The following IMMP2L variants were observed in gnomAD, a reference collection of about 807,000 sequenced individuals.
The protein encoded by IMMP2L is inner mitochondrial membrane peptidase subunit 2.
Under a neutral mutation model 19.3 loss-of-function variants are expected in IMMP2L, and 18 were observed. That is an observed-to-expected ratio of 0.93 (90% confidence interval 0.64 to 1.38). The LOEUF is 1.38. IMMP2L is among the 40% of genes most tolerant of loss of function. The pLI is 0.00. For synonymous variants in IMMP2L, 76 were observed against 73.0 expected (o/e 1.04, Z -0.21); for missense variants, 233 against 218.2 (o/e 1.07, Z -0.43).
At chr7:111,325,415 T>C (rs911668153) in intron 3 of IMMP2L, among the ~76,000 whole-genome samples, 1 of 151,684 alleles carries the variant, frequency 6.6e-6, no homozygotes, top group Non-Finnish European at 1.5e-5. Flanking sequence ...AAAATAAATA[T>C]AATGTTTTAA....
At chr7:111,232,524 T>C (rs1388745187) in intron 3 of IMMP2L, among the ~76,000 whole-genome samples, 2 of 152,164 alleles carry the variant, frequency 1.3e-5, no homozygotes, top group Middle Eastern at 3.4e-3. Flanking sequence ...ATGGAAATTT[T>C]CAATTTTCTG....
intron 5 of IMMP2L, among the ~76,000 whole-genome samples, chr7:110,806,275 G>GGGT (rs146476882): frequency 0.96 from 146,101 of 151,802 alleles, 70,327 homozygotes; most frequent in East Asian, 0.98. Flanking sequence ...GCATAATTTT[G>GGGT]GACTTCACTT....
chr7:110,920,880 T>C (rs915707393), intron 4 of IMMP2L, among the ~76,000 whole-genome samples: 11 of 152,310 alleles, frequency 7.2e-5, no homozygotes, highest in Non-Finnish European at 1.2e-4. Context: ...ACATCTTATA[T>C]AACCATAGCA....
At chr7:111,475,069 A>G (rs564770770) in intron 3 of IMMP2L, among the ~76,000 whole-genome samples, 1 of 152,228 alleles carries the variant, frequency 6.6e-6, no homozygotes, top group Non-Finnish European at 1.5e-5. Context: ...AATCAAACCA[A>G]GCCAGCTTCT....
At chr7:111,007,537 C>T (rs1458809287) in intron 3 of IMMP2L, among the ~76,000 whole-genome samples, 2 of 152,088 alleles carry the variant, frequency 1.3e-5, no homozygotes, top group Non-Finnish European at 2.9e-5. Flanking sequence ...CTGCCTCTCT[C>T]GAACATCTAA....
At chr7:111,365,134 T>C (rs987439344) in intron 3 of IMMP2L, among the ~76,000 whole-genome samples, 2 of 152,116 alleles carry the variant, frequency 1.3e-5, no homozygotes, top group Non-Finnish European at 2.9e-5. Flanking sequence ...ACCTTTCTGC[T>C]GCTGAACTTT....
intron 5 of IMMP2L, among the ~76,000 whole-genome samples, chr7:110,694,431 C>CTAT (rs79869441): frequency 0.13 from 20,341 of 152,002 alleles, 1,527 homozygotes; most frequent in South Asian, 0.29. Flanking sequence ...AAAAAGAACT[C>CTAT]TAATAGAGTC....
At chr7:111,040,959 C>G (rs1769419619) in intron 3 of IMMP2L, among the ~76,000 whole-genome samples, 1 of 151,834 alleles carries the variant, frequency 6.6e-6, no homozygotes, top group Non-Finnish European at 1.5e-5. Context: ...TTACTTGGCT[C>G]AAATATTGTA....
intron 5 of IMMP2L, among the ~76,000 whole-genome samples, chr7:110,886,113 C>T (rs1810194281): frequency 6.6e-6 from 1 of 152,018 alleles, no homozygotes; most frequent in African/African-American, 2.4e-5. Context: ...CAAATTAATT[C>T]TCAGGCCCAG....
chr7:110,932,277 G>C (rs1815577873), intron 4 of IMMP2L, among the ~76,000 whole-genome samples: 1 of 152,140 alleles, frequency 6.6e-6, no homozygotes, highest in Non-Finnish European at 1.5e-5. Context: ...CCCAACAGAA[G>C]TCTTAGATGT....
chr7:110,782,676 T>C (rs1226696125), intron 5 of IMMP2L, among the ~76,000 whole-genome samples: 1 of 151,930 alleles, frequency 6.6e-6, no homozygotes, highest in Non-Finnish European at 1.5e-5. Flanking sequence ...AATAGGTACT[T>C]ACTATGTGCT....
At chr7:111,525,918 C>T (rs1374252996) in intron 1 of IMMP2L, among the ~76,000 whole-genome samples, 1 of 152,038 alleles carries the variant, frequency 6.6e-6, no homozygotes, top group Non-Finnish European at 1.5e-5. Context: ...GGCCCTGAAG[C>T]ATGACAGCAT....
chr7:111,243,602 G>A (rs1178855299), intron 3 of IMMP2L, among the ~76,000 whole-genome samples: 1 of 130,582 alleles, frequency 7.7e-6, no homozygotes, highest in Non-Finnish European at 1.6e-5. Context: ...TGCCATGCTG[G>A]TGCGCTGCAC....
At chr7:110,685,610 T>C (rs567000840) in intron 5 of IMMP2L, among the ~76,000 whole-genome samples, 2 of 152,260 alleles carry the variant, frequency 1.3e-5, no homozygotes, top group Admixed American at 1.3e-4. Context: ...TAGTTTATGA[T>C]GGTTTATTGT....
intron 3 of IMMP2L, among the ~76,000 whole-genome samples, chr7:111,121,342 C>G (rs1800588030): frequency 6.6e-6 from 1 of 152,136 alleles, no homozygotes; most frequent in South Asian, 2.1e-4. Context: ...TTTTGCTGTG[C>G]AGAAGCTCTT....
chr7:111,080,399 T>TAC (rs34792730), intron 3 of IMMP2L, among the ~76,000 whole-genome samples: 64 of 151,612 alleles, frequency 4.2e-4, no homozygotes, highest in Non-Finnish European at 7.1e-4. Context: ...TATGTAAACA[T>TAC]ACACACACAC....
chr7:111,143,042 T>C (rs529332769), intron 3 of IMMP2L, among the ~76,000 whole-genome samples: 29 of 152,184 alleles, frequency 1.9e-4, no homozygotes, highest in African/African-American at 6.7e-4. Flanking sequence ...TTGTGTGTGC[T>C]CCAATCAATG....
intron 3 of IMMP2L, among the ~76,000 whole-genome samples, chr7:111,275,361 T>C (rs752215016): frequency 1.6e-4 from 24 of 152,188 alleles, no homozygotes; most frequent in South Asian, 4.1e-4. Context: ...AAAGAAAGTT[T>C]ATGTTCTGAA....
intron 5 of IMMP2L, among the ~76,000 whole-genome samples, chr7:110,668,304 C>A (rs1425909739): frequency 6.6e-6 from 1 of 152,226 alleles, no homozygotes; most frequent in Non-Finnish European, 1.5e-5. Flanking sequence ...GGAAATACTT[C>A]CCTAGACCTA....
Sources: allele counts gnomAD v4.1 joint callset (sites outside exome capture counted in the v4.1 genomes callset), GRCh38; gene constraint gnomAD v4.1.1; transcripts MANE v1.5; gene names NCBI Gene and HGNC (gene_info 2026-07-23, HGNC 2026-07-21).